The following VEPH1 variants were observed in gnomAD, a reference collection of about 807,000 sequenced individuals.
The protein encoded by VEPH1 is ventricular zone-expressed PH domain-containing protein homolog 1.
Under a neutral mutation model 85.2 loss-of-function variants are expected in VEPH1, and 80 were observed. That is an observed-to-expected ratio of 0.94 (90% CI 0.78 to 1.13). VEPH1 has a LOEUF of 1.13. VEPH1 is among the 50% of genes most tolerant of loss of function. The pLI is 0.00. For synonymous variants in VEPH1, 297 were observed against 348.0 expected, an observed-to-expected ratio of 0.85 and a Z score of 1.63; for missense variants, 955 against 980.5, an observed-to-expected ratio of 0.97 and a Z score of 0.35.
intron 6 of VEPH1, among the ~76,000 whole-genome samples, chr3:157,399,441 T>C (rs981723873): frequency 2.6e-5 from 4 of 152,214 alleles, no homozygotes; most frequent in African/African-American, 9.6e-5. Context: ...ATTTTAGATA[T>C]CTAGATATCT....
At chr3:157,452,078 T>C (rs1231184141) in intron 4 of VEPH1, among the ~76,000 whole-genome samples, 8 of 152,272 alleles carry the variant, frequency 5.3e-5, no homozygotes, top group Non-Finnish European at 5.9e-5. Flanking sequence ...GATTGTGTGA[T>C]TGACAAAAAA....
At chr3:157,345,374 T>C (rs973255164) in intron 9 of VEPH1, among the ~76,000 whole-genome samples, 7 of 152,292 alleles carry the variant, frequency 4.6e-5, no homozygotes, top group Middle Eastern at 3.4e-3. Flanking sequence ...GCGAAGGATA[T>C]GAACAGACAC....
chr3:157,363,555 T>G lies in VEPH1; in HGVS notation c.1544A>C (p.His515Pro), dbSNP rs1430941170. 1.9e-6 allele frequency: 3 copies of G among 1,614,068 alleles called. No individual in the cohort carries two copies. The African/African-American group carries it at 4.0e-5, about 22-fold the overall frequency. Residue 515 changes from histidine (H) to proline (P), a missense_variant, in exon 9 of 14, where the codon CAT (histidine) becomes CCT (proline). Physicochemically the swap from His to Pro is moderately conservative, Grantham distance 77 (BLOSUM62 -2). Coordinates refer to ENST00000362010, the MANE Select transcript of VEPH1 (RefSeq NM_001167912.2). ...ESSVSYPNII[H>P]IDSENLSETV... ...TTCTGACAAATTCTCTGAGTCTATA[T>G]GTATAATATTTGGGTATGAAACTGA...
chr3:157,466,221 T>G (rs1476711540), intron 3 of VEPH1, among the ~76,000 whole-genome samples: 2 of 150,850 alleles, frequency 1.3e-5, no homozygotes, highest in Middle Eastern at 3.2e-3. Context: ...AGTGGGGGGG[T>G]GGGGATGGCC....
intron 1 of VEPH1, among the ~76,000 whole-genome samples, chr3:157,496,295 CA>C (rs1739660321): frequency 6.6e-6 from 1 of 152,212 alleles, no homozygotes; most frequent in Non-Finnish European, 1.5e-5. Context: ...GGCAATGGCA[CA>C]AATTAGACAT....
intron 6 of VEPH1, among the ~76,000 whole-genome samples, chr3:157,405,520 C>A (rs1054536452): frequency 1.3e-5 from 2 of 152,132 alleles, no homozygotes; most frequent in African/African-American, 4.8e-5. Context: ...CTGACCCCAG[C>A]CCACTGTCCA....
intron 4 of VEPH1, among the ~76,000 whole-genome samples, chr3:157,447,106 AC>A (rs1408252237): frequency 6.6e-6 from 1 of 152,244 alleles, no homozygotes; most frequent in Non-Finnish European, 1.5e-5. Flanking sequence ...AAGCAAGCAA[AC>A]AAAAATACGA....
At chr3:157,400,957 C>A (rs1156435971) in intron 6 of VEPH1, among the ~76,000 whole-genome samples, 3 of 152,116 alleles carry the variant, frequency 2.0e-5, no homozygotes, top group African/African-American at 4.8e-5. Context: ...TCTTCTCCCA[C>A]CATGCCATAG....
At chr3:157,338,611 T>G (rs1005581209) in intron 9 of VEPH1, among the ~76,000 whole-genome samples, 1 of 152,208 alleles carries the variant, frequency 6.6e-6, no homozygotes, top group African/African-American at 2.4e-5. Flanking sequence ...TTAACTATTC[T>G]GTTTCTTTTT....
chr3:157,432,752 C>T (rs1733267409), intron 4 of VEPH1, among the ~76,000 whole-genome samples: 1 of 152,154 alleles, frequency 6.6e-6, no homozygotes. Context: ...CTACTCTATA[C>T]AAATTTTAGT....
intron 9 of VEPH1, among the ~76,000 whole-genome samples, chr3:157,353,841 A>G (rs1182467202): frequency 1.3e-5 from 2 of 152,066 alleles, no homozygotes; most frequent in South Asian, 2.1e-4. Context: ...GCCTATTTTG[A>G]TCACTGGTGT....
intron 2 of VEPH1, among the ~76,000 whole-genome samples, chr3:157,485,950 A>G (rs1203393360): frequency 6.6e-6 from 1 of 152,206 alleles, no homozygotes; most frequent in Non-Finnish European, 1.5e-5. Flanking sequence ...TACATAATAA[A>G]AAAGCCCCTA....
rs1012583548 is a variant in VEPH1, at chr3:157,440,478, G to T, written c.530-11990C>A. ...TTCTTTCTCTTTACCAGTTATTCTGGAACCATTCTGGGAGTTTGCTTTTCA... is the reference window on the plus strand; with the variant it reads ...TTCTTTCTCTTTACCAGTTATTCTGTAACCATTCTGGGAGTTTGCTTTTCA... On this transcript the variant is annotated intron_variant, in intron 4 of 13. Coordinates refer to ENST00000362010, the MANE Select transcript of VEPH1 (RefSeq NM_001167912.2). 2.0e-5 allele frequency among the ~76,000 whole-genome samples: 3 copies of T among 151,916 alleles called. No individual in the cohort carries two copies. In the South Asian group the frequency reaches 6.2e-4, roughly 32 times the overall value.
rs545655665 is a variant in VEPH1, at chr3:157,444,504, G to A, written c.529+15677C>T. 2.0e-5 allele frequency among the ~76,000 whole-genome samples: 3 copies of A among 152,332 alleles called. No homozygotes were observed. The South Asian group carries it at 6.2e-4, about 32-fold the overall frequency. ...AGAAAATCACTTGTAGTTAGGGGCT[G>A]ATAGGCCAGTCTCAGACTCTTGGAG... On this transcript the variant is annotated intron_variant, in intron 4 of 13. Transcript: ENST00000362010.
intron 11 of VEPH1, among the ~76,000 whole-genome samples, chr3:157,288,469 T>A (rs557851024): frequency 7.9e-5 from 12 of 152,016 alleles, no homozygotes; most frequent in African/African-American, 2.2e-4. Context: ...AAGAAGTATG[T>A]CCAACTATCA....
intron 2 of VEPH1, among the ~76,000 whole-genome samples, chr3:157,492,736 GCT>G (rs1739331383): frequency 6.6e-6 from 1 of 152,226 alleles, no homozygotes; most frequent in African/African-American, 2.4e-5. Context: ...CAATGAAAAT[GCT>G]CTCTCTTTGT....
chr3:157,495,709 C>G (rs1392799001), intron 1 of VEPH1, among the ~76,000 whole-genome samples: 1 of 152,202 alleles, frequency 6.6e-6, no homozygotes, highest in Non-Finnish European at 1.5e-5. Context: ...TACTAGGTTT[C>G]TCCAGAATTT....
intron 7 of VEPH1, among the ~76,000 whole-genome samples, chr3:157,366,491 T>G (rs1308721522): frequency 6.6e-6 from 1 of 151,972 alleles, no homozygotes; most frequent in Non-Finnish European, 1.5e-5. Context: ...TCCCAACACT[T>G]TGGGAGGCCG....
At position 157,481,433 on chromosome 3, in the gene VEPH1, A is replaced by AACACACACACACACACACACAC. The variant is rs1177654727; in HGVS notation, c.139-10926_139-10905dup. 7.8e-5 allele frequency among the ~76,000 whole-genome samples: 3 copies of AACACACACACACACACACACAC among 38,670 alleles called. 1 individual carries two copies. Among genetic ancestry groups the AACACACACACACACACACACAC allele is most frequent in the African/African-American group, 3.9e-4 (3 of 7,740 alleles). 25.4% of individuals were successfully genotyped at this position (38,670 alleles called of 152,430 possible). A position where few individuals can be genotyped will look rare whatever the true frequency, so the allele number is the denominator to read the frequency against. On this transcript the variant is annotated intron_variant, in intron 2 of 13. Transcript: ENST00000362010. ...CTATTCTAAAATTCATATGGAACCAAACACACACACACACACACACACACA... is the reference window on the plus strand; with the variant it reads ...CTATTCTAAAATTCATATGGAACCAAACACACACACACACACACACACACACACACACACACACACACACACA...
Sources: allele counts gnomAD v4.1 joint callset (sites outside exome capture counted in the v4.1 genomes callset), GRCh38; gene constraint gnomAD v4.1.1; transcripts MANE v1.5; gene names NCBI Gene and HGNC (gene_info 2026-07-23, HGNC 2026-07-21).